CDH18: variants seen among roughly 807,000 people sequenced by gnomAD.
CDH18 encodes cadherin-18.
In CDH18, 31 loss-of-function variants were observed where a neutral mutation model predicts 67.9. That is an observed-to-expected ratio of 0.46 (90% CI 0.34 to 0.62). The LOEUF (loss-of-function observed/expected upper bound fraction) is 0.62. Ranked by LOEUF, CDH18 falls within the 20% of genes least tolerant of loss-of-function variation. CDH18 has a pLI of 0.01. For synonymous variants in CDH18, 362 were observed against 347.2 expected (o/e 1.04, Z -0.48); for missense variants, 890 against 975.5 (o/e 0.91, Z 1.17).
At position 19,721,362 on chromosome 5, in the gene CDH18, C is replaced by T. The variant is rs750768779; in HGVS notation, c.628G>A (p.Val210Ile). Residue 210 changes from valine (V) to isoleucine (I), a missense_variant, in exon 5 of 13, where the codon GTC becomes ATC. Transcript: ENST00000382275. ...SILQGQPYFS[V>I]DPKTGVIRTA... ...ATGCACTAACCTGTTTTAGGGTCGA[C>T]GGAGAAGTAGGGTTGTCCTTGGAGA... 1.7e-5 allele frequency: 28 copies of T among 1,603,160 alleles called. No individual in the cohort carries two copies. The highest frequency in any genetic ancestry group is 3.3e-5 in the Admixed American group (2 of 59,826).
intron 2 of CDH18, among the ~76,000 whole-genome samples, chr5:20,111,555 T>C (rs1213677868): frequency 1.4e-5 from 2 of 142,902 alleles, no homozygotes; most frequent in African/African-American, 5.2e-5. Flanking sequence ...TCTTTTTTTT[T>C]TTTTTTTTTT....
In CDH18 at chr5:19,671,635, C is replaced by T. The variant is rs148113836; in HGVS notation, c.643+49712G>A. Among the ~76,000 whole-genome samples the T allele has an allele frequency of 8.6e-5, 13 of 151,918 alleles. No individual in the cohort carries two copies. The East Asian group carries it at 9.7e-4, about 11-fold the overall frequency. On this transcript the variant is annotated intron_variant, in intron 5 of 12. Coordinates refer to ENST00000382275, the MANE Select transcript of CDH18 (RefSeq NM_004934.5). ...ATTTGTCAAATAGGATTTTTAAAAC[C>T]GAATCAATTTAATTCTAAGTAACTC... is the stretch of plus-strand genomic sequence containing the variant.
intron 3 of CDH18, 58 bp downstream of exon 3, chr5:19,838,701 T>C: frequency 8.7e-7 from 1 of 1,144,386 alleles, no homozygotes; most frequent in Non-Finnish European, 1.3e-6. Context: ...CAACATGAGC[T>C]CATCTTACCC....
At chr5:19,855,623 A>G (rs1009828397) in intron 2 of CDH18, among the ~76,000 whole-genome samples, 2 of 152,150 alleles carry the variant, frequency 1.3e-5, no homozygotes, top group African/African-American at 4.8e-5. Flanking sequence ...TGAACAAATG[A>G]CAGAAAATGG....
At chr5:19,795,274 T>C (rs755170182) in intron 3 of CDH18, among the ~76,000 whole-genome samples, 3 of 152,166 alleles carry the variant, frequency 2.0e-5, no homozygotes, top group Non-Finnish European at 4.4e-5. Context: ...ACAGTTATCC[T>C]GGTCCAGAAG....
chr5:19,810,839 C>T (rs1349998583), intron 3 of CDH18, among the ~76,000 whole-genome samples: 2 of 151,674 alleles, frequency 1.3e-5, no homozygotes, highest in African/African-American at 4.8e-5. Context: ...CCTGGCCAAA[C>T]TGGTGAAACC....
At chr5:20,115,279 T>TTTTG (rs1485225588) in intron 2 of CDH18, among the ~76,000 whole-genome samples, 1 of 122,562 alleles carries the variant, frequency 8.2e-6, no homozygotes, top group East Asian at 2.5e-4. Context: ...TCTTTTTTTT[T>TTTTG]TTTTTTTTTT....
chr5:20,263,994 T>C (rs1744852304), intron 1 of CDH18, among the ~76,000 whole-genome samples: 1 of 152,154 alleles, frequency 6.6e-6, no homozygotes. Context: ...TACTCATACA[T>C]AGTCATTAAA....
intron 1 of CDH18, among the ~76,000 whole-genome samples, chr5:20,265,016 A>G (rs1334113458): frequency 6.6e-6 from 1 of 152,164 alleles, no homozygotes; most frequent in Non-Finnish European, 1.5e-5. Flanking sequence ...GAGACGAGTG[A>G]GATAACCTGA....
intron 1 of CDH18, among the ~76,000 whole-genome samples, chr5:20,503,706 G>A (rs949077259): frequency 1.3e-5 from 2 of 152,156 alleles, no homozygotes; most frequent in Non-Finnish European, 2.9e-5. Context: ...GAGTTGCTTA[G>A]ATGCAGGAAA....
intron 6 of CDH18, among the ~76,000 whole-genome samples, chr5:19,591,761 C>T (rs1217484452): frequency 2.6e-5 from 4 of 151,890 alleles, no homozygotes; most frequent in African/African-American, 7.2e-5. Flanking sequence ...TGTCCGAGAA[C>T]GTGAATGTAG....
intron 3 of CDH18, among the ~76,000 whole-genome samples, chr5:19,755,900 CTTCCCCAGCCTACTGATTCAAAGGTTAA>C (rs1771541928): frequency 2.0e-5 from 3 of 152,066 alleles, no homozygotes; most frequent in Non-Finnish European, 4.4e-5. Context: ...GTGGATCTGC[CTTCCCCAGCCTACTGATTCAAAGGTTAA>C]TCTCTTTTGG....
chr5:20,160,357 A>G (rs1403226114), intron 2 of CDH18, among the ~76,000 whole-genome samples: 1 of 152,186 alleles, frequency 6.6e-6, no homozygotes, highest in Non-Finnish European at 1.5e-5. Context: ...AACCATCATG[A>G]GCAATACATA....
rs574786287 is a variant in CDH18 at position 20,255,270 on chromosome 5, A to T, written c.-518+174T>A. 3.3e-5 allele frequency among the ~76,000 whole-genome samples: 5 copies of T among 152,188 alleles called. No homozygotes were observed. The South Asian group carries it at 6.2e-4, about 19-fold the overall frequency. ...TTGAGTTTCTTAAAGAGTGATTTTA[A>T]AACACAGAAGATGCTAAATTTCTAA... is the stretch of plus-strand genomic sequence containing the variant. On this transcript the variant is annotated intron_variant, in intron 2 of 14. Coordinates refer to the CDH18 transcript ENST00000507958.
intron 2 of CDH18, among the ~76,000 whole-genome samples, chr5:19,896,055 A>C (rs2150097363): frequency 6.6e-6 from 1 of 152,266 alleles, no homozygotes; most frequent in East Asian, 1.9e-4. Context: ...TTAAATTAAA[A>C]ATTTTAAAAT....
chr5:19,692,006 T>C (rs1337122372), intron 5 of CDH18, among the ~76,000 whole-genome samples: 1 of 151,676 alleles, frequency 6.6e-6, no homozygotes, highest in Non-Finnish European at 1.5e-5. Flanking sequence ...GTAACCAAAA[T>C]AACAAGGTAT....
intron 5 of CDH18, among the ~76,000 whole-genome samples, chr5:19,716,916 G>C (rs1225119389): frequency 1.3e-5 from 2 of 151,846 alleles, no homozygotes; most frequent in Non-Finnish European, 2.9e-5. Context: ...TGATACATGA[G>C]TTTAAAACAT....
chr5:19,705,215 C>A (rs1763798911), intron 5 of CDH18, among the ~76,000 whole-genome samples: 1 of 152,154 alleles, frequency 6.6e-6, no homozygotes, highest in Non-Finnish European at 1.5e-5. Flanking sequence ...TGATCACTTG[C>A]AAAATTTGAT....
chr5:20,046,157 T>A (rs1473135964), intron 2 of CDH18, among the ~76,000 whole-genome samples: 2 of 151,936 alleles, frequency 1.3e-5, no homozygotes, highest in African/African-American at 4.8e-5. Context: ...GCTGTGGCAA[T>A]AGTAAGAAAA....
Sources: allele counts gnomAD v4.1 joint callset (sites outside exome capture counted in the v4.1 genomes callset), GRCh38; gene constraint gnomAD v4.1.1; transcripts MANE v1.5; gene names NCBI Gene and HGNC (gene_info 2026-07-23, HGNC 2026-07-21).